SAMD4A: variants seen among roughly 807,000 people sequenced by gnomAD.
SAMD4A encodes protein Smaug homolog 1.
In SAMD4A, 33 loss-of-function variants were observed where a neutral mutation model predicts 81.3. The ratio of observed to expected loss-of-function variants is 0.41; its 90% confidence interval spans 0.31 to 0.54. The LOEUF (loss-of-function observed/expected upper bound fraction) is 0.54. Among genes scored for constraint, SAMD4A ranks in the 20% least tolerant of loss-of-function variants. The pLI is 0.37. For synonymous variants in SAMD4A, 389 were observed against 382.1 expected (o/e 1.02, Z -0.21); for missense variants, 854 against 951.1 (o/e 0.90, Z 1.34).
chr14:54,723,111 A>G (rs1336422009), intron 3 of SAMD4A, among the ~76,000 whole-genome samples: 2 of 152,088 alleles, frequency 1.3e-5, no homozygotes, highest in African/African-American at 2.4e-5. Flanking sequence ...TAGAAAAAAA[A>G]AAAACCCATC....
chr14:54,722,396 C>G (rs991304958), intron 3 of SAMD4A, among the ~76,000 whole-genome samples: 2 of 152,182 alleles, frequency 1.3e-5, no homozygotes, highest in African/African-American at 4.8e-5. Flanking sequence ...GCTGTTCAAG[C>G]TGTTGTACAA....
chr14:54,654,658 C>T (rs2035480473), intron 2 of SAMD4A, among the ~76,000 whole-genome samples: 1 of 152,166 alleles, frequency 6.6e-6, no homozygotes, highest in Non-Finnish European at 1.5e-5. Context: ...AGAATAAAAT[C>T]TCAGAATGAA....
intron 2 of SAMD4A, among the ~76,000 whole-genome samples, chr14:54,696,017 G>A (rs2036569969): frequency 6.7e-6 from 1 of 150,074 alleles, no homozygotes; most frequent in African/African-American, 2.5e-5. Context: ...TCAATCCTTT[G>A]TACCTTTTCA....
chr14:54,772,767 G>A (rs1326498638), intron 9 of SAMD4A, among the ~76,000 whole-genome samples: 1 of 151,946 alleles, frequency 6.6e-6, no homozygotes, highest in Non-Finnish European at 1.5e-5. Flanking sequence ...TCTACCAGGT[G>A]GCCAAAATTC....
chr14:54,664,474 A>G (rs2035713163), intron 2 of SAMD4A, among the ~76,000 whole-genome samples: 1 of 152,206 alleles, frequency 6.6e-6, no homozygotes, highest in South Asian at 2.1e-4. Context: ...GCGCGCAGAC[A>G]CACATCGCCC....
intron 8 of SAMD4A, among the ~76,000 whole-genome samples, chr14:54,766,491 C>A (rs1374119303): frequency 6.6e-6 from 1 of 152,166 alleles, no homozygotes; most frequent in Non-Finnish European, 1.5e-5. Flanking sequence ...GGCACCAAAC[C>A]TGGAGCCAGA....
At chr14:54,751,619 G>T in intron 6 of SAMD4A, 82 bp downstream of exon 6, 2 of 895,762 alleles carry the variant, frequency 2.2e-6, no homozygotes, top group South Asian at 1.4e-5. Flanking sequence ...AAGTGTCATC[G>T]ACAGACCTTC....
chr14:54,719,811 C>T (rs1056131357), intron 3 of SAMD4A, among the ~76,000 whole-genome samples: 2 of 152,172 alleles, frequency 1.3e-5, no homozygotes, highest in African/African-American at 2.4e-5. Context: ...TTGTGAAAGT[C>T]CTCTCTGGGT....
At chr14:54,733,130 A>G (rs1397324809) in intron 3 of SAMD4A, among the ~76,000 whole-genome samples, 2 of 152,204 alleles carry the variant, frequency 1.3e-5, no homozygotes, top group Non-Finnish European at 2.9e-5. Flanking sequence ...TCCTGATAGT[A>G]TGACCAAGTT....
At chr14:54,723,990 T>TCGGATGGA (rs1228725243) in intron 3 of SAMD4A, among the ~76,000 whole-genome samples, 3 of 88,466 alleles carry the variant, frequency 3.4e-5, no homozygotes, top group Non-Finnish European at 5.4e-5. Context: ...TCAGCAAATA[T>TCGGATGGA]TGGATGGATG....
intron 2 of SAMD4A, among the ~76,000 whole-genome samples, chr14:54,672,988 C>T (rs1315365356): frequency 6.6e-6 from 1 of 152,198 alleles, no homozygotes; most frequent in African/African-American, 2.4e-5. Flanking sequence ...CTTGAATGAT[C>T]TCCAGAGAGG....
intron 3 of SAMD4A, among the ~76,000 whole-genome samples, chr14:54,728,149 C>T (rs2037472721): frequency 1.3e-5 from 2 of 152,104 alleles, no homozygotes; most frequent in African/African-American, 4.8e-5. Context: ...TTTATAATAC[C>T]CAAGTAGATG....
chr14:54,757,997 C>T (rs2139848331), intron 6 of SAMD4A, among the ~76,000 whole-genome samples: 1 of 152,278 alleles, frequency 6.6e-6, no homozygotes, highest in South Asian at 2.1e-4. Context: ...GGGAAAGGGC[C>T]GGGTCTACCG....
At chr14:54,723,000 C>A (rs2140869260) in intron 3 of SAMD4A, among the ~76,000 whole-genome samples, 2 of 152,174 alleles carry the variant, frequency 1.3e-5, no homozygotes, top group Middle Eastern at 3.4e-3. Context: ...TATACCAACC[C>A]CATCTGGTAC....
intron 3 of SAMD4A, among the ~76,000 whole-genome samples, chr14:54,724,977 A>G (rs1238584658): frequency 6.6e-6 from 1 of 152,168 alleles, no homozygotes; most frequent in Non-Finnish European, 1.5e-5. Context: ...TGGCTCTAGG[A>G]GGGGCTGAGA....
chr14:54,660,072 TC>T (rs2035605934), intron 2 of SAMD4A, among the ~76,000 whole-genome samples: 1 of 151,060 alleles, frequency 6.6e-6, no homozygotes, highest in Non-Finnish European at 1.5e-5. Flanking sequence ...AGAGCGAGAC[TC>T]CGTCTCAGAA....
At chr14:54,705,317 T>C (rs1232345743) in intron 3 of SAMD4A, among the ~76,000 whole-genome samples, 2 of 152,186 alleles carry the variant, frequency 1.3e-5, no homozygotes, top group Admixed American at 6.5e-5. Flanking sequence ...CCCAGAGCCA[T>C]GCGCAGTATT....
intron 6 of SAMD4A, among the ~76,000 whole-genome samples, chr14:54,755,329 C>T (rs1300718922): frequency 1.3e-5 from 2 of 152,080 alleles, no homozygotes; most frequent in Non-Finnish European, 2.9e-5. Context: ...GTGGAAATGG[C>T]AAGTCAGTGG....
intron 2 of SAMD4A, among the ~76,000 whole-genome samples, chr14:54,642,869 G>A (rs747778795): frequency 1.3e-5 from 2 of 152,186 alleles, no homozygotes; most frequent in African/African-American, 2.4e-5. Context: ...TGAGAGCTGC[G>A]TTACACAGTG....
Sources: gnomAD v4.1 joint callset for allele counts (sites outside exome capture counted in the v4.1 genomes callset) on GRCh38, gnomAD v4.1.1 for gene constraint, MANE v1.5 for transcripts, NCBI Gene and HGNC (gene_info 2026-07-23, HGNC 2026-07-21) for gene names.